Variants in SMOC2 observed in about 807,000 individuals in gnomAD.
SMOC2 encodes the protein SPARC-related modular calcium-binding protein 2.
Under a neutral mutation model 61.4 loss-of-function variants are expected in SMOC2, and 39 were observed. The observed-to-expected ratio is 0.64, with a 90% CI of 0.49 to 0.83. The LOEUF is 0.83. SMOC2 is among the 40% of genes least tolerant of loss of function. The probability of loss-of-function intolerance (pLI) is 0.00; values close to 1 mark genes in which losing one functional copy is unlikely to be tolerated. For synonymous variants in SMOC2, 247 were observed against 239.9 expected, an observed-to-expected ratio of 1.03 and a Z score of -0.27; for missense variants, 556 against 592.9, an observed-to-expected ratio of 0.94 and a Z score of 0.65.
intron 7 of SMOC2, among the ~76,000 whole-genome samples, chr6:168,590,797 A>G (rs938249677): frequency 6.6e-5 from 10 of 152,188 alleles, no homozygotes; most frequent in African/African-American, 2.4e-4. Flanking sequence ...GCTGCTTATT[A>G]TCATCTAAAA....
intron 1 of SMOC2, among the ~76,000 whole-genome samples, chr6:168,444,289 C>T (rs1331963624): frequency 3.3e-5 from 5 of 152,122 alleles, no homozygotes; most frequent in Non-Finnish European, 7.3e-5. Flanking sequence ...GTCAGCCTCT[C>T]TGGGGCTTTC....
intron 9 of SMOC2, 73 bp from the exon 10 acceptor site, chr6:168,650,608 A>G (rs1372411261): frequency 3.5e-6 from 5 of 1,412,262 alleles, no homozygotes; most frequent in African/African-American, 2.8e-5. Context: ...GTAAAACAAC[A>G]TTTCCCTGTA....
rs72503838 is a variant in SMOC2 at position 168,469,589 on chromosome 6, G to T, written c.84+28135G>T. On this transcript the variant is annotated intron_variant, in intron 1 of 12. Coordinates refer to ENST00000356284, the MANE Select transcript of SMOC2 (RefSeq NM_001166412.2). Reference sequence around the variant, plus strand: ...ATAAACTTTAGCAATTCAAATCATCGTGCAAACCCAGGCTTGTACGGAAAG... The same window carrying T: ...ATAAACTTTAGCAATTCAAATCATCTTGCAAACCCAGGCTTGTACGGAAAG... Among the ~76,000 whole-genome samples, 128 of 152,300 alleles carry T rather than the reference G, an allele frequency of 8.4e-4. 2 individuals carry two copies. In the East Asian group the frequency reaches 0.023, roughly 27 times the overall value.
chr6:168,518,520 C>G (rs1199387821), intron 2 of SMOC2, among the ~76,000 whole-genome samples: 3 of 143,754 alleles, frequency 2.1e-5, no homozygotes, highest in Admixed American at 6.9e-5. Flanking sequence ...TGTAAATGTG[C>G]ATGTGTGGAT....
At chr6:168,579,401 A>G (rs1245765795) in intron 7 of SMOC2, among the ~76,000 whole-genome samples, 3 of 152,306 alleles carry the variant, frequency 2.0e-5, no homozygotes, top group Non-Finnish European at 2.9e-5. Flanking sequence ...CATCAGCTGT[A>G]TTAGGTGAAA....
chr6:168,638,277 A>G (rs1225348746), intron 9 of SMOC2, among the ~76,000 whole-genome samples: 1 of 152,000 alleles, frequency 6.6e-6, no homozygotes, highest in African/African-American at 2.4e-5. Flanking sequence ...GTAAAGACAG[A>G]CTCTTTTGAC....
rs918014899 is a variant in SMOC2 at position 168,609,978 on chromosome 6, C to T, written c.907+1739C>T. Reference sequence around the variant, plus strand: ...GCTTCTGCTGCCTCTCAGGAGTGCACGTGGCAGGAAGACCTTTTCCTGGTG... The same window carrying T: ...GCTTCTGCTGCCTCTCAGGAGTGCATGTGGCAGGAAGACCTTTTCCTGGTG... On this transcript the variant is annotated intron_variant, in intron 9 of 12. Transcript: ENST00000356284. 2.0e-5 allele frequency among the ~76,000 whole-genome samples: 3 copies of T among 152,266 alleles called. No individual in the cohort carries two copies. In the East Asian group the frequency reaches 5.8e-4, roughly 29 times the overall value.
At chr6:168,655,464 C>G (rs1312318786) in intron 11 of SMOC2, 1 of 455,246 alleles carries the variant, frequency 2.2e-6, no homozygotes, top group Non-Finnish European at 4.4e-6. Context: ...GAAGCCGGGT[C>G]TGACTTTTCA....
chr6:168,518,465 A>G (rs1252643857), intron 2 of SMOC2, among the ~76,000 whole-genome samples: 1 of 149,130 alleles, frequency 6.7e-6, no homozygotes, highest in Non-Finnish European at 1.5e-5. Context: ...GTGTGTATTC[A>G]TGTGCCTGTG....
chr6:168,633,745 G>T (rs1300539092), intron 9 of SMOC2, among the ~76,000 whole-genome samples: 1 of 152,138 alleles, frequency 6.6e-6, no homozygotes, highest in African/African-American at 2.4e-5. Context: ...GTCATTTTGG[G>T]TTTAAGTTGA....
At chr6:168,629,942 G>A (rs939612063) in intron 9 of SMOC2, among the ~76,000 whole-genome samples, 2 of 152,166 alleles carry the variant, frequency 1.3e-5, no homozygotes, top group African/African-American at 4.8e-5. Flanking sequence ...AAACACCGGG[G>A]TGGGTGGCTT....
intron 9 of SMOC2, among the ~76,000 whole-genome samples, chr6:168,610,215 G>A (rs1785820122): frequency 6.6e-6 from 1 of 152,178 alleles, no homozygotes; most frequent in African/African-American, 2.4e-5. Flanking sequence ...AGGAGGAGAA[G>A]GATGGTTAGA....
At chr6:168,563,896 C>T (rs2115130371) in intron 7 of SMOC2, among the ~76,000 whole-genome samples, 1 of 152,254 alleles carries the variant, frequency 6.6e-6, no homozygotes, top group South Asian at 2.1e-4. Context: ...CTCTGCGTCT[C>T]CGGCTTCAGG....
At chr6:168,595,383 T>C (rs1401441656) in intron 7 of SMOC2, among the ~76,000 whole-genome samples, 5 of 152,216 alleles carry the variant, frequency 3.3e-5, no homozygotes, top group African/African-American at 1.2e-4. Context: ...AATTCACCCC[T>C]CCTTGTTCCC....
At chr6:168,604,221 C>G (rs547548870) in intron 8 of SMOC2, among the ~76,000 whole-genome samples, 1 of 152,358 alleles carries the variant, frequency 6.6e-6, no homozygotes, top group South Asian at 2.1e-4. Context: ...GAGCCCATCT[C>G]TTTGTTTCTT....
intron 2 of SMOC2, among the ~76,000 whole-genome samples, chr6:168,522,056 CA>C (rs1443031024): frequency 6.6e-6 from 1 of 152,130 alleles, no homozygotes; most frequent in East Asian, 1.9e-4. Flanking sequence ...AGGAGATTAA[CA>C]CTTTTATTTA....
intron 9 of SMOC2, among the ~76,000 whole-genome samples, chr6:168,619,606 C>T (rs541199691): frequency 6.6e-6 from 1 of 152,296 alleles, no homozygotes; most frequent in South Asian, 2.1e-4. Context: ...GACTTCCCTC[C>T]TATCTTTTCT....
chr6:168,474,187 G>T (rs1045910939), intron 1 of SMOC2, among the ~76,000 whole-genome samples: 1 of 152,104 alleles, frequency 6.6e-6, no homozygotes, highest in Non-Finnish European at 1.5e-5. Context: ...GCACAGACCC[G>T]ATCCTGGCTT....
At chr6:168,467,962 C>T (rs1781882016) in intron 1 of SMOC2, among the ~76,000 whole-genome samples, 1 of 152,084 alleles carries the variant, frequency 6.6e-6, no homozygotes. Flanking sequence ...TACTATAAAA[C>T]TGTAGCAAAA....
Sources: gnomAD v4.1 joint callset for allele counts (sites outside exome capture counted in the v4.1 genomes callset) on GRCh38, gnomAD v4.1.1 for gene constraint, MANE v1.5 for transcripts, NCBI Gene and HGNC (gene_info 2026-07-23, HGNC 2026-07-21) for gene names.